Variants in DCDC1 observed in about 807,000 individuals in gnomAD.
DCDC1 encodes doublecortin domain containing 1.
In DCDC1, 200 loss-of-function variants were observed where a neutral mutation model predicts 178.3. The ratio of observed to expected loss-of-function variants is 1.12; its 90% CI spans 1.00 to 1.26. The LOEUF is 1.26. Among genes scored for constraint, DCDC1 ranks in the 50% most tolerant of loss-of-function variants. The probability of loss-of-function intolerance (pLI) is 0.00; values close to 1 mark genes in which losing one functional copy is unlikely to be tolerated. For synonymous variants in DCDC1, 690 were observed against 604.8 expected (o/e 1.14, Z -2.07); for missense variants, 1,983 against 1,749.2 (o/e 1.13, Z -2.38).
chr11:31,251,414 T>G (rs1944021500), intron 8 of DCDC1, among the ~76,000 whole-genome samples: 1 of 152,112 alleles, frequency 6.6e-6, no homozygotes, highest in Admixed American at 6.6e-5. Context: ...TAAAGCAGAT[T>G]GGCCTCTCTA....
rs1387282909 is a variant in DCDC1, at chr11:31,096,845, T to C, written c.1984-2661A>G. Among the ~76,000 whole-genome samples the C allele has an allele frequency of 3.9e-5, 6 of 152,256 alleles. No individual in the cohort carries two copies. The East Asian group carries it at 9.7e-4, about 25-fold the overall frequency. Reference sequence around the variant, plus strand: ...AACGAGGGTGGGAAGTTAAGGACTATGAAAGTTGGGATTTAAGAAAAAAAA... The same window carrying C: ...AACGAGGGTGGGAAGTTAAGGACTACGAAAGTTGGGATTTAAGAAAAAAAA... On this transcript the variant is annotated intron_variant, in intron 15 of 38. Coordinates refer to ENST00000684477, the MANE Select transcript of DCDC1 (RefSeq NM_001387274.1).
At chr11:31,103,227 A>G (rs970702459) in intron 14 of DCDC1, among the ~76,000 whole-genome samples, 3 of 152,206 alleles carry the variant, frequency 2.0e-5, no homozygotes, top group African/African-American at 7.2e-5. Context: ...CACTGCCCCA[A>G]CGAGTCCCCA....
At chr11:31,254,243 T>C (rs1413337044) in intron 8 of DCDC1, among the ~76,000 whole-genome samples, 1 of 152,172 alleles carries the variant, frequency 6.6e-6, no homozygotes, top group Non-Finnish European at 1.5e-5. Flanking sequence ...TGTCACTGAA[T>C]GCTCTGGAAC....
chr11:30,989,647 C>G (rs1287945497), intron 20 of DCDC1, among the ~76,000 whole-genome samples: 2 of 152,072 alleles, frequency 1.3e-5, no homozygotes, highest in Non-Finnish European at 2.9e-5. Context: ...TGGAGCACTA[C>G]CAGGCAGAGT....
At chr11:31,017,974 T>G (rs573075023) in intron 20 of DCDC1, among the ~76,000 whole-genome samples, 1 of 152,310 alleles carries the variant, frequency 6.6e-6, no homozygotes, top group South Asian at 2.1e-4. Flanking sequence ...ATAATCTTGG[T>G]TTGACATTTC....
At chr11:31,255,865 A>G (rs937785336) in intron 8 of DCDC1, among the ~76,000 whole-genome samples, 2 of 152,090 alleles carry the variant, frequency 1.3e-5, no homozygotes, top group African/African-American at 4.8e-5. Context: ...TTCTTTGCTC[A>G]TACTTTTGAT....
At chr11:30,968,736 T>TATATATATATATATATATATA (rs1949611544) in intron 20 of DCDC1, among the ~76,000 whole-genome samples, 1 of 134,908 alleles carries the variant, frequency 7.4e-6, no homozygotes, top group Non-Finnish European at 1.6e-5. Flanking sequence ...TATATATATA[T>TATATATATATATATATATATA]GGTTTGATAT....
chr11:31,363,916 C>T (rs557143433), intron 1 of DCDC1, among the ~76,000 whole-genome samples: 1 of 152,158 alleles, frequency 6.6e-6, no homozygotes, highest in Non-Finnish European at 1.5e-5. Flanking sequence ...GTGTATTCTA[C>T]TGAATACATA....
At chr11:31,132,087 G>A (rs768110695) in intron 10 of DCDC1, among the ~76,000 whole-genome samples, 1 of 152,144 alleles carries the variant, frequency 6.6e-6, no homozygotes, top group Non-Finnish European at 1.5e-5. Flanking sequence ...TTGGCTCCAG[G>A]ATAATCTGTT....
At chr11:31,143,711 A>G (rs1964122245) in intron 9 of DCDC1, among the ~76,000 whole-genome samples, 1 of 152,188 alleles carries the variant, frequency 6.6e-6, no homozygotes, top group Admixed American at 6.5e-5. Flanking sequence ...TACTTTTAGT[A>G]ATGTAATCTC....
At chr11:31,352,357 T>C (rs1158264318) in intron 1 of DCDC1, among the ~76,000 whole-genome samples, 2 of 152,160 alleles carry the variant, frequency 1.3e-5, no homozygotes, top group Non-Finnish European at 2.9e-5. Flanking sequence ...TAAATAATGA[T>C]ATACAAGAAT....
chr11:30,959,820 C>A (rs1214240031), intron 20 of DCDC1, among the ~76,000 whole-genome samples: 3 of 152,148 alleles, frequency 2.0e-5, no homozygotes, highest in African/African-American at 4.8e-5. Flanking sequence ...GTGGGTCCTA[C>A]AAACCTGGAT....
chr11:31,038,413 G>A (rs1046103000), intron 20 of DCDC1, among the ~76,000 whole-genome samples: 2 of 151,990 alleles, frequency 1.3e-5, no homozygotes, highest in East Asian at 1.9e-4. Flanking sequence ...ATTCCTTGGC[G>A]TAACTTCAAC....
chr11:31,300,459 A>G (rs1948027760), intron 6 of DCDC1, among the ~76,000 whole-genome samples: 1 of 152,154 alleles, frequency 6.6e-6, no homozygotes, highest in Non-Finnish European at 1.5e-5. Flanking sequence ...TATTAGAAAT[A>G]TCCAATAGGC....
chr11:31,274,275 T>G (rs1158949775), intron 7 of DCDC1, among the ~76,000 whole-genome samples: 1 of 152,196 alleles, frequency 6.6e-6, no homozygotes, highest in East Asian at 1.9e-4. Context: ...AACTCCCAAA[T>G]TGATATGTTT....
chr11:30,917,116 C>T, intron 25 of DCDC1, 88 bp from the exon 26 acceptor site: 1 of 1,297,642 alleles, frequency 7.7e-7, no homozygotes, highest in Non-Finnish European at 1.0e-6. Context: ...GATCATATTC[C>T]ACAGGATGTT....
intron 10 of DCDC1, among the ~76,000 whole-genome samples, chr11:31,132,240 G>T (rs1962534543): frequency 6.6e-6 from 1 of 152,090 alleles, no homozygotes; most frequent in African/African-American, 2.4e-5. Context: ...TTTTGATAAT[G>T]TTTCCATTCA....
At chr11:30,974,780 T>G (rs1950010068) in intron 20 of DCDC1, among the ~76,000 whole-genome samples, 1 of 152,078 alleles carries the variant, frequency 6.6e-6, no homozygotes, top group Non-Finnish European at 1.5e-5. Flanking sequence ...CTACCAAACT[T>G]ACAAAGAAGA....
chr11:31,086,893 C>T (rs1050634956), intron 17 of DCDC1, among the ~76,000 whole-genome samples: 11 of 152,076 alleles, frequency 7.2e-5, no homozygotes, highest in Admixed American at 7.2e-4. Context: ...ATAATGCTGA[C>T]CCCCTAGAAT....
Sources: allele counts gnomAD v4.1 joint callset (sites outside exome capture counted in the v4.1 genomes callset), GRCh38; gene constraint gnomAD v4.1.1; transcripts MANE v1.5; gene names NCBI Gene and HGNC (gene_info 2026-07-23, HGNC 2026-07-21).